SCARA3: variants seen among roughly 807,000 people sequenced by gnomAD.
SCARA3 encodes the protein scavenger receptor class A member 3.
Under a neutral mutation model 47.0 loss-of-function variants are expected in SCARA3, and 39 were observed. That is an observed-to-expected ratio of 0.83 (90% CI 0.64 to 1.08). The LOEUF (loss-of-function observed/expected upper bound fraction) is 1.08, where lower values mean the gene tolerates loss of function less well. Ranked by LOEUF, SCARA3 falls within the 50% of genes least tolerant of loss-of-function variation. The pLI, the probability that SCARA3 is intolerant of heterozygous loss-of-function variation, is 0.00. For missense variants in SCARA3, 724 were observed against 792.3 expected, an observed-to-expected ratio of 0.91 and a Z score of 1.04; for synonymous variants, 356 against 334.1, an observed-to-expected ratio of 1.07 and a Z score of -0.71.
At chr8:27,697,760 AG>A in the SCARA3 span, among the ~76,000 whole-genome samples, 1 of 152,144 alleles carries the variant, frequency 6.6e-6, no homozygotes, top group Admixed American at 6.5e-5. Context: ...TGGTTTTATA[AG>A]GGGAAACCCC....
At chr8:27,647,551 G>A (rs1467375226) in intron 1 of SCARA3, among the ~76,000 whole-genome samples, 1 of 152,178 alleles carries the variant, frequency 6.6e-6, no homozygotes, top group African/African-American at 2.4e-5. Flanking sequence ...CTCTGTGCCG[G>A]CCACTGTGCT....
Position 27,672,786 on chromosome 8 carries a change from T to C in SCARA3, c.*1435T>C. 1 of 985,574 alleles carries C rather than the reference T, an allele frequency of 1.0e-6. No individual in the cohort carries two copies. Among genetic ancestry groups the C allele is most frequent in the Non-Finnish European group, 1.2e-6 (1 of 830,068 alleles). 61.1% of individuals were successfully genotyped at this position (985,574 alleles called of 1,614,324 possible). ...GCTTTGCCTTCATGTTCAAACAGAT[T>C]CAGGCACCACCCCCTCCACCGCCCG... On this transcript the variant is annotated 3_prime_UTR_variant, in exon 6 of 6. Coordinates refer to ENST00000301904, the MANE Select transcript of SCARA3 (RefSeq NM_016240.3).
rs748873297 is a variant in SCARA3, at chr8:27,634,168, C to T, written c.-33C>T. 11 of 1,445,050 alleles carry T rather than the reference C, an allele frequency of 7.6e-6. No homozygotes were observed. The African/African-American group carries it at 1.5e-4, about 19-fold the overall frequency. The allele number at this position is 1,445,050 out of a possible 1,614,324, so 89.5% of individuals were successfully genotyped here. ...CCACTACAGCTCCAGCCGCCTGCAGCGGGGCCCTCCTGAGGCCCCAGAGGA... is the reference window on the plus strand; with the variant it reads ...CCACTACAGCTCCAGCCGCCTGCAGTGGGGCCCTCCTGAGGCCCCAGAGGA... On this transcript the variant is annotated 5_prime_UTR_variant, in exon 1 of 6. Coordinates refer to ENST00000301904, the MANE Select transcript of SCARA3 (RefSeq NM_016240.3).
chr8:27,714,281 C>T, the SCARA3 span, among the ~76,000 whole-genome samples: 17 of 147,498 alleles, frequency 1.2e-4, no homozygotes, highest in South Asian at 4.3e-4. Context: ...CTGCAACCTC[C>T]GCCTCCCTGG....
Position 27,656,789 on chromosome 8 carries a change from A to G in SCARA3, c.234A>G (p.Arg78=). The change falls in exon 4 of 6, where the codon AGA becomes AGG. Residue 78 remains arginine, a synonymous_variant. Coordinates refer to ENST00000301904, the MANE Select transcript of SCARA3 (RefSeq NM_016240.3). ...AVAVLASLVF[R]KVDSLSEDIS... ...CATCTGTTTTCCCTACAGTTTTCAG[A>G]AAAGTGGACTCTCTCTCCGAAGACA... 1 of 1,606,574 alleles carries G rather than the reference A, an allele frequency of 6.2e-7. No individual in the cohort carries two copies. Among genetic ancestry groups the G allele is most frequent in the Non-Finnish European group, 8.5e-7 (1 of 1,173,120 alleles).
downstream of SCARA3, among the ~76,000 whole-genome samples, chr8:27,675,108 C>T (rs1240308171): frequency 6.6e-6 from 1 of 152,090 alleles, no homozygotes; most frequent in Non-Finnish European, 1.5e-5. Flanking sequence ...CTCTAAAAAC[C>T]CCAGGCCAGC....
At chr8:27,658,451 C>T in intron 4 of SCARA3, 45 bp from the exon 5 acceptor site, 1 of 1,508,108 alleles carries the variant, frequency 6.6e-7, no homozygotes. Flanking sequence ...AAGCGTCGTA[C>T]CCTGGCCCTT....
chr8:27,669,245 G>T (rs1802090081), intron 5 of SCARA3, among the ~76,000 whole-genome samples: 1 of 152,232 alleles, frequency 6.6e-6, no homozygotes, highest in Admixed American at 6.5e-5. Context: ...ACGCAATTTT[G>T]TGGATGAAAT....
At chr8:27,718,174 A>G in the SCARA3 span, among the ~76,000 whole-genome samples, 1 of 152,090 alleles carries the variant, frequency 6.6e-6, no homozygotes, top group African/African-American at 2.4e-5. Flanking sequence ...ATCAAAAGCT[A>G]CCTTCTCTGT....
chr8:27,679,476 T>C (rs553881123), downstream of SCARA3, among the ~76,000 whole-genome samples: 96 of 152,224 alleles, frequency 6.3e-4, no homozygotes, highest in African/African-American at 2.2e-3. Flanking sequence ...CTATGATAAA[T>C]TAAGAATGTA....
chr8:27,672,404 C>T lies in SCARA3; in HGVS notation c.*1053C>T. ...AGGTTCTCTCTGCACAGCTGCCTCC[C>T]TTGCTCTCCCTGAGGCTGGCCTGCC... On this transcript the variant is annotated 3_prime_UTR_variant, in exon 6 of 6. Coordinates refer to ENST00000301904, the MANE Select transcript of SCARA3 (RefSeq NM_016240.3). The T allele has an allele frequency of 1.0e-6, 1 of 985,534 alleles. No homozygotes were observed. 61.0% of individuals were successfully genotyped at this position (985,534 alleles called of 1,614,324 possible).
the SCARA3 span, among the ~76,000 whole-genome samples, chr8:27,719,939 A>G: frequency 6.6e-6 from 1 of 152,180 alleles, no homozygotes; most frequent in African/African-American, 2.4e-5. Context: ...GCTAATGTAC[A>G]GGAATTACAG....
chr8:27,659,700 A>G (rs1801850123), intron 5 of SCARA3, among the ~76,000 whole-genome samples, 161 bp downstream of exon 5: 1 of 152,018 alleles, frequency 6.6e-6, no homozygotes, highest in African/African-American at 2.4e-5. Context: ...ATGTCCTTGC[A>G]TTAGCCAGGC....
the SCARA3 span, among the ~76,000 whole-genome samples, chr8:27,692,352 G>A: frequency 6.6e-6 from 1 of 151,116 alleles, no homozygotes; most frequent in Non-Finnish European, 1.5e-5. Flanking sequence ...CCTGGGAGGT[G>A]AAGGTTGTGG....
intron 3 of SCARA3, among the ~76,000 whole-genome samples, chr8:27,655,459 C>T (rs35399517): frequency 5.3e-5 from 8 of 152,340 alleles, no homozygotes; most frequent in East Asian, 3.9e-4. Flanking sequence ...GCTGCCAAGA[C>T]GTGCTCTAAC....
At chr8:27,647,028 C>T (rs922514076) in intron 1 of SCARA3, among the ~76,000 whole-genome samples, 2 of 133,392 alleles carry the variant, frequency 1.5e-5, no homozygotes, top group African/African-American at 5.4e-5. Context: ...CCTGGAATCT[C>T]CTATTGTGGA....
At chr8:27,692,739 A>C in the SCARA3 span, among the ~76,000 whole-genome samples, 1 of 152,168 alleles carries the variant, frequency 6.6e-6, no homozygotes, top group Admixed American at 6.5e-5. Context: ...CATAATAAGA[A>C]TGTTGGCCTG....
intron 1 of SCARA3, among the ~76,000 whole-genome samples, chr8:27,640,688 T>C (rs1203585844): frequency 6.6e-6 from 1 of 152,188 alleles, no homozygotes; most frequent in East Asian, 1.9e-4. Flanking sequence ...TTGTTGCTTT[T>C]GTTTTTGTTT....
intron 1 of SCARA3, among the ~76,000 whole-genome samples, chr8:27,646,519 C>A (rs777995321): frequency 6.6e-6 from 1 of 152,080 alleles, no homozygotes; most frequent in Non-Finnish European, 1.5e-5. Flanking sequence ...GGCCCAGTCA[C>A]GGGGGAGGGC....
Sources: gnomAD v4.1 joint callset for allele counts (sites outside exome capture counted in the v4.1 genomes callset) on GRCh38, gnomAD v4.1.1 for gene constraint, MANE v1.5 for transcripts, NCBI Gene and HGNC (gene_info 2026-07-23, HGNC 2026-07-21) for gene names.